SMARCC1: variants seen among roughly 807,000 people sequenced by gnomAD.
SMARCC1 encodes SWI/SNF complex subunit SMARCC1.
Under a neutral mutation model 147.4 loss-of-function variants are expected in SMARCC1, and 43 were observed. That is an observed-to-expected ratio of 0.29 (90% CI 0.23 to 0.38). The LOEUF (loss-of-function observed/expected upper bound fraction) is 0.38. SMARCC1 is among the 10% of genes least tolerant of loss of function. The probability of loss-of-function intolerance (pLI) is 1.00; values close to 1 mark genes in which losing one functional copy is unlikely to be tolerated. For missense variants in SMARCC1, 1,119 were observed against 1,381.1 expected (o/e 0.81, Z 3.01); for synonymous variants, 495 against 484.4 (o/e 1.02, Z -0.29).
chr3:47,653,287 A>G (rs1440922462), intron 21 of SMARCC1, among the ~76,000 whole-genome samples: 2 of 152,176 alleles, frequency 1.3e-5, no homozygotes, highest in Admixed American at 6.5e-5. Context: ...TATACATCAT[A>G]TATTTCTTTT....
chr3:47,777,713 A>G (rs1046369200), intron 1 of SMARCC1, among the ~76,000 whole-genome samples: 1 of 151,488 alleles, frequency 6.6e-6, no homozygotes, highest in Non-Finnish European at 1.5e-5. Flanking sequence ...TTTTTAGTAG[A>G]GCAGAAGTTT....
chr3:47,722,471 A>G (rs2034244935), intron 6 of SMARCC1, among the ~76,000 whole-genome samples: 1 of 151,334 alleles, frequency 6.6e-6, no homozygotes, highest in Admixed American at 6.6e-5. Context: ...AATTTTTTGT[A>G]TTTTTAGTAG....
intron 21 of SMARCC1, among the ~76,000 whole-genome samples, chr3:47,652,352 G>C (rs1019992501): frequency 6.6e-6 from 1 of 152,122 alleles, no homozygotes; most frequent in African/African-American, 2.4e-5. Context: ...CCTATTTCAG[G>C]AGACAGGTGT....
intron 2 of SMARCC1, among the ~76,000 whole-genome samples, chr3:47,771,643 C>T (rs569816661): frequency 6.6e-6 from 1 of 152,160 alleles, no homozygotes; most frequent in African/African-American, 2.4e-5. Flanking sequence ...ACTCAGGAGG[C>T]TGAGGCAGGA....
intron 26 of SMARCC1, among the ~76,000 whole-genome samples, chr3:47,607,246 G>C (rs1310710169): frequency 6.6e-6 from 1 of 152,190 alleles, no homozygotes; most frequent in African/African-American, 2.4e-5. Flanking sequence ...TGGCAAGTCT[G>C]ACGATGGTAG....
chr3:47,626,460 A>T (rs1282270637), intron 24 of SMARCC1, among the ~76,000 whole-genome samples: 5 of 26,948 alleles, frequency 1.9e-4, no homozygotes, highest in Admixed American at 8.4e-4. Context: ...CCTGTCTTTA[A>T]AAAAAAAAAA....
intron 24 of SMARCC1, among the ~76,000 whole-genome samples, chr3:47,629,380 G>C (rs2032856537): frequency 6.6e-6 from 1 of 152,142 alleles, no homozygotes; most frequent in Non-Finnish European, 1.5e-5. Flanking sequence ...TTTTCAGTGG[G>C]GGAAAGGTAT....
rs2106669402 is a variant in SMARCC1, at chr3:47,610,203, T to A, written c.2906A>T (p.Gln969Leu). 6.2e-7 allele frequency: 1 copy of A among 1,614,214 alleles called. No homozygotes were observed. The highest frequency in any genetic ancestry group is 2.2e-5 in the East Asian group (1 of 44,890). Residue 969 changes from glutamine (Q) to leucine (L), a missense_variant, in exon 26 of 28, where the codon CAG becomes CTG. Gln to Leu is a moderately radical substitution (Grantham distance 113, BLOSUM62 -2). Coordinates refer to ENST00000254480, the MANE Select transcript of SMARCC1 (RefSeq NM_003074.4). ...AGGTCCTCCTGAGTGCTGGTGTGCC[T>A]GTTGAGGGTTCTGGCCATGCTGCTG... Reference protein sequence around the residue: ...EQQQHGQNPQQAHQHSGGPGL... With the variant: ...EQQQHGQNPQLAHQHSGGPGL...
At chr3:47,746,124 T>G in intron 2 of SMARCC1, 131 bp from the exon 3 acceptor site, 1 of 558,946 alleles carries the variant, frequency 1.8e-6, no homozygotes, top group Non-Finnish European at 3.1e-6. Context: ...AACATCTTCT[T>G]GAATAAACTG....
intron 18 of SMARCC1, among the ~76,000 whole-genome samples, chr3:47,674,649 ATG>A (rs2033545949): frequency 6.6e-6 from 1 of 151,886 alleles, no homozygotes; most frequent in African/African-American, 2.4e-5. Flanking sequence ...TGTTCTTTTT[ATG>A]TGTGTGTTTT....
intron 26 of SMARCC1, chr3:47,603,734 G>T: frequency 3.7e-6 from 1 of 268,992 alleles, no homozygotes; most frequent in South Asian, 3.9e-5. Context: ...GAAATGCAAT[G>T]CTGTGTATTT....
At chr3:47,616,980 T>C (rs1375812548) in intron 25 of SMARCC1, among the ~76,000 whole-genome samples, 1 of 152,138 alleles carries the variant, frequency 6.6e-6, no homozygotes, top group East Asian at 1.9e-4. Flanking sequence ...ACTGAGGCAG[T>C]GGGGGAGGTG....
chr3:47,695,072 C>T (rs1361728045), intron 11 of SMARCC1, among the ~76,000 whole-genome samples: 2 of 152,160 alleles, frequency 1.3e-5, no homozygotes. Flanking sequence ...TGTGTGCTCA[C>T]AAAATTCGTA....
rs2032094144 is a variant in SMARCC1, at chr3:47,587,683, A to C, written c.*526T>G. On this transcript the variant is annotated 3_prime_UTR_variant, in exon 28 of 28. Coordinates refer to ENST00000254480, the MANE Select transcript of SMARCC1 (RefSeq NM_003074.4). ...ACCATTCTTAGCTCAGAAAAGCAGA[A>C]ATAAGGTCACTTATAATGCCTTAAG... is the stretch of plus-strand genomic sequence containing the variant. 6.5e-6 allele frequency: 1 copy of C among 152,844 alleles called. No individual in the cohort carries two copies. Among genetic ancestry groups the C allele is most frequent in the Non-Finnish European group, 1.5e-5 (1 of 68,184 alleles). 9.5% of individuals were successfully genotyped at this position (152,844 alleles called of 1,614,324 possible).
At position 47,587,868 on chromosome 3, in the gene SMARCC1, A is replaced by G; in HGVS notation, c.*341T>C. 1 of 257,876 alleles carries G rather than the reference A, an allele frequency of 3.9e-6. No homozygotes were observed. Among genetic ancestry groups the G allele is most frequent in the South Asian group, 6.3e-5 (1 of 15,936 alleles). The allele number at this position is 257,876 out of a possible 1,614,324, so 16.0% of individuals were successfully genotyped here. A position where few individuals can be genotyped will look rare whatever the true frequency, so the allele number is the denominator to read the frequency against. The stretch of plus-strand genomic sequence containing the variant: ...AGCATAAGACAAAGCAAAAAACTGC[A>G]AGAGAGCAAAAATGGTAAAGACATA... On this transcript the variant is annotated 3_prime_UTR_variant, in exon 28 of 28. Transcript: ENST00000254480.
intron 27 of SMARCC1, 71 bp from the exon 28 acceptor site, chr3:47,588,377 G>GA (rs2032112412): frequency 2.8e-6 from 4 of 1,423,844 alleles, no homozygotes; most frequent in African/African-American, 1.4e-5. Flanking sequence ...CCTATTCAGT[G>GA]AAAAAAAGAC....
intron 6 of SMARCC1, among the ~76,000 whole-genome samples, chr3:47,721,225 T>C (rs969990234): frequency 1.3e-5 from 2 of 152,194 alleles, no homozygotes; most frequent in Non-Finnish European, 2.9e-5. Context: ...TGATGTCCTA[T>C]AAGCTGTAAA....
chr3:47,659,533 A>G (rs995533019), intron 21 of SMARCC1, among the ~76,000 whole-genome samples: 4 of 152,280 alleles, frequency 2.6e-5, no homozygotes, highest in African/African-American at 9.6e-5. Flanking sequence ...GTGGTTCAAC[A>G]TGTGAGAATC....
intron 8 of SMARCC1, among the ~76,000 whole-genome samples, chr3:47,713,058 C>T (rs1383341157): frequency 6.6e-6 from 1 of 152,082 alleles, no homozygotes; most frequent in African/African-American, 2.4e-5. Flanking sequence ...CGCAATGGCT[C>T]ACACCTGTAA....
Sources: gnomAD v4.1 joint callset for allele counts (sites outside exome capture counted in the v4.1 genomes callset) on GRCh38, gnomAD v4.1.1 for gene constraint, MANE v1.5 for transcripts, NCBI Gene and HGNC (gene_info 2026-07-23, HGNC 2026-07-21) for gene names.